ENTHD1: variants seen among roughly 807,000 people sequenced by gnomAD.
The protein encoded by ENTHD1 is ENTH domain-containing protein 1.
In ENTHD1, 23 loss-of-function variants were observed where a neutral mutation model predicts 39.1. The observed-to-expected ratio is 0.59, with a 90% CI of 0.42 to 0.83. The LOEUF is 0.83. Among genes scored for constraint, ENTHD1 ranks in the 40% least tolerant of loss-of-function variants. ENTHD1 has a pLI of 0.00. For synonymous variants in ENTHD1, 230 were observed against 258.2 expected (o/e 0.89, Z 1.05); for missense variants, 624 against 705.4 (o/e 0.88, Z 1.31).
chr22:39,854,704 G>GA lies in ENTHD1; in HGVS notation c.592+7060dup, dbSNP rs796335685. On this transcript the variant is annotated intron_variant, in intron 3 of 6. Transcript: ENST00000325157. ...AAACTTGGGAAAACATCCAAGAAAA[G>GA]AAAAAAAAAAAGAAGTAGAAGTGGT... is the stretch of plus-strand genomic sequence containing the variant. Among the ~76,000 whole-genome samples, 83 of 141,102 alleles carry GA rather than the reference G, an allele frequency of 5.9e-4. No homozygotes were observed. The Middle Eastern group carries it at 0.018, about 30-fold the overall frequency. 92.6% of individuals were successfully genotyped at this position (141,102 alleles called of 152,430 possible).
chr22:39,856,274 CAA>C (rs34598525), intron 3 of ENTHD1, among the ~76,000 whole-genome samples: 8 of 50,758 alleles, frequency 1.6e-4, no homozygotes, highest in African/African-American at 2.2e-4. Context: ...AACTTCATCT[CAA>C]AAAAAAAAAA....
intron 5 of ENTHD1, among the ~76,000 whole-genome samples, chr22:39,776,397 T>G (rs1446397142): frequency 6.6e-6 from 1 of 152,218 alleles, no homozygotes; most frequent in Non-Finnish European, 1.5e-5. Context: ...TGAACCTGAA[T>G]GTCAAAGAGC....
chr22:39,762,831 A>G (rs1483374457), intron 6 of ENTHD1, among the ~76,000 whole-genome samples: 1 of 152,080 alleles, frequency 6.6e-6, no homozygotes, highest in African/African-American at 2.4e-5. Flanking sequence ...ATTAATATTA[A>G]TCATAGTTTT....
intron 5 of ENTHD1, among the ~76,000 whole-genome samples, chr22:39,807,321 C>T (rs981051596): frequency 7.9e-5 from 12 of 152,330 alleles, no homozygotes; most frequent in Admixed American, 2.6e-4. Flanking sequence ...GCTTATCCTA[C>T]GTGCCACTTT....
chr22:39,875,998 C>T, intron 2 of ENTHD1: 1 of 1,613,892 alleles, frequency 6.2e-7, no homozygotes, highest in Non-Finnish European at 8.5e-7. Context: ...GTTATTACTG[C>T]CCTTGCCATG....
chr22:39,893,503 A>T (rs574477701), intron 1 of ENTHD1, 192 bp downstream of exon 1: 1 of 152,296 alleles, frequency 6.6e-6, no homozygotes, highest in South Asian at 2.1e-4. Flanking sequence ...AAGCCTCTAG[A>T]AGGAGAGAGG....
rs147946748 is a variant in ENTHD1 at position 39,851,895 on chromosome 22, G to T, written c.592+9870C>A. On this transcript the variant is annotated intron_variant, in intron 3 of 6. Transcript: ENST00000325157. ...AATAGTGTGTCACTTCCAGTCTTTGGTTATTGTGCAGTAAATGGAGTTCCT... is the reference window on the plus strand; with the variant it reads ...AATAGTGTGTCACTTCCAGTCTTTGTTTATTGTGCAGTAAATGGAGTTCCT... 7.2e-3 allele frequency among the ~76,000 whole-genome samples: 1,094 copies of T among 152,258 alleles called. 5 individuals carry two copies. The highest frequency in any genetic ancestry group is 0.025 in the African/African-American group (1,033 of 41,550).
chr22:39,766,037 A>AAAAAAAAAAAAAAAAC (rs2065274883), intron 5 of ENTHD1, among the ~76,000 whole-genome samples: 1 of 149,408 alleles, frequency 6.7e-6, no homozygotes. Context: ...AAAAAAAAAA[A>AAAAAAAAAAAAAAAAC]AAAAAAAAAA....
chr22:39,798,423 G>C (rs1465909572), intron 5 of ENTHD1, among the ~76,000 whole-genome samples: 2 of 152,106 alleles, frequency 1.3e-5, no homozygotes, highest in Non-Finnish European at 2.9e-5. Flanking sequence ...TGTATCTATG[G>C]TGTTGGTTGG....
chr22:39,840,953 C>T (rs779476092), intron 3 of ENTHD1, among the ~76,000 whole-genome samples: 31 of 152,084 alleles, frequency 2.0e-4, no homozygotes, highest in Non-Finnish European at 2.6e-4. Context: ...AGGGTTTCAC[C>T]GTGGTCTCGA....
Position 39,765,612 on chromosome 22 carries a change from A to G in ENTHD1, c.833-3T>C, listed in dbSNP as rs1284369148. ...TTCTGAGAGAGTAGGCACAGCATCTATAAAAGAACAAATAAGAGCTATAAT... is the reference window on the plus strand; with the variant it reads ...TTCTGAGAGAGTAGGCACAGCATCTGTAAAAGAACAAATAAGAGCTATAAT... On this transcript the variant is annotated splice_region_variant and splice_polypyrimidine_tract_variant and intron_variant, in intron 5 of 6. Coordinates refer to ENST00000325157, the MANE Select transcript of ENTHD1 (RefSeq NM_152512.4). 1 of 1,592,068 alleles carries G rather than the reference A, an allele frequency of 6.3e-7. No homozygotes were observed. Among genetic ancestry groups the G allele is most frequent in the African/African-American group, 1.4e-5 (1 of 73,748 alleles).
chr22:39,786,058 C>T lies in ENTHD1; in HGVS notation c.833-20449G>A, dbSNP rs1260518411. 4.6e-5 allele frequency among the ~76,000 whole-genome samples: 7 copies of T among 152,128 alleles called. No homozygotes were observed. In the South Asian group the frequency reaches 8.3e-4, roughly 18 times the overall value. On this transcript the variant is annotated intron_variant, in intron 5 of 6. Transcript: ENST00000325157. The stretch of plus-strand genomic sequence containing the variant: ...ATCCTACTGCTTATAAAATGAACCA[C>T]GCCCATAGTATTCCTTCCCTTCAGA...
intron 5 of ENTHD1, among the ~76,000 whole-genome samples, chr22:39,791,289 T>C (rs1234202463): frequency 6.7e-6 from 1 of 148,168 alleles, no homozygotes; most frequent in Non-Finnish European, 1.5e-5. Flanking sequence ...TTTTAGACTA[T>C]ATAGTTAGAC....
At chr22:39,836,897 A>C (rs2065911141) in intron 3 of ENTHD1, among the ~76,000 whole-genome samples, 1 of 152,170 alleles carries the variant, frequency 6.6e-6, no homozygotes, top group Non-Finnish European at 1.5e-5. Flanking sequence ...AAGTTTCCTG[A>C]GGCTTCCTCA....
chr22:39,853,296 G>T (rs1408263823), intron 3 of ENTHD1, among the ~76,000 whole-genome samples: 2 of 152,080 alleles, frequency 1.3e-5, no homozygotes, highest in East Asian at 1.9e-4. Flanking sequence ...CATTTGGGAG[G>T]CCGAGGCAGG....
chr22:39,877,690 G>A lies in ENTHD1; in HGVS notation c.349+9710C>T, dbSNP rs187301802. On this transcript the variant is annotated intron_variant, in intron 2 of 6. Coordinates refer to ENST00000325157, the MANE Select transcript of ENTHD1 (RefSeq NM_152512.4). ...AAAATCCCCTGGTGCTTCTAGCAGGGGAAGGAAAAAAAGGAACCATTCAGA... is the reference window on the plus strand; with the variant it reads ...AAAATCCCCTGGTGCTTCTAGCAGGAGAAGGAAAAAAAGGAACCATTCAGA... 7.1e-3 allele frequency among the ~76,000 whole-genome samples: 1,086 copies of A among 152,072 alleles called. 7 individuals are homozygous for A. Among genetic ancestry groups the A allele is most frequent in the Non-Finnish European group, 0.012 (835 of 67,946 alleles).
At position 39,743,838 on chromosome 22, in the gene ENTHD1, T is replaced by C. The variant is rs1180045302; in HGVS notation, c.1665A>G (p.Val555=). ...KNSISVLLRE[V]KRAIARLHED... ...CATGTAATCTAGCGATCGCACGTTT[T>C]ACCTCCCTTAAAAGAACACTAATGG... Residue 555 remains valine, a synonymous_variant, in exon 7 of 7, where the codon GTA becomes GTG. Transcript: ENST00000325157. The C allele has an allele frequency of 1.9e-6, 3 of 1,614,060 alleles. No homozygotes were observed. Among genetic ancestry groups the C allele is most frequent in the East Asian group, 4.5e-5 (2 of 44,900 alleles).
intron 3 of ENTHD1, among the ~76,000 whole-genome samples, chr22:39,859,729 C>T (rs2066124419): frequency 6.6e-6 from 1 of 152,060 alleles, no homozygotes; most frequent in South Asian, 2.1e-4. Flanking sequence ...CACCATGACA[C>T]ATATAATAAT....
At position 39,827,205 on chromosome 22, in the gene ENTHD1, C is replaced by T. The variant is rs538332252; in HGVS notation, c.712-6092G>A. On this transcript the variant is annotated intron_variant, in intron 4 of 6. Coordinates refer to ENST00000325157, the MANE Select transcript of ENTHD1 (RefSeq NM_152512.4). ...TAATTTTTTGTATTTTTAATAGAGA[C>T]GGGGTTTCACCGTATTAGCCAGGAT... 9.4e-3 allele frequency among the ~76,000 whole-genome samples: 1,427 copies of T among 151,944 alleles called. 13 individuals are homozygous for T. Among genetic ancestry groups the T allele is most frequent in the African/African-American group, 0.012 (514 of 41,452 alleles).
Sources: gnomAD v4.1 joint callset for allele counts (sites outside exome capture counted in the v4.1 genomes callset) on GRCh38, gnomAD v4.1.1 for gene constraint, MANE v1.5 for transcripts, NCBI Gene and HGNC (gene_info 2026-07-23, HGNC 2026-07-21) for gene names.